The following MED13L variants were observed in gnomAD, a reference collection of about 807,000 sequenced individuals.
MED13L encodes mediator complex subunit 13L.
Under a neutral mutation model 220.9 loss-of-function variants are expected in MED13L, and 7 were observed. The observed-to-expected ratio is 0.03, with a 90% CI of 0.02 to 0.06. The LOEUF (loss-of-function observed/expected upper bound fraction) is 0.06. Ranked by LOEUF, MED13L falls within the 10% of genes least tolerant of loss-of-function variation. The pLI is 1.00. For missense variants in MED13L, 1,965 were observed against 2,760.5 expected (o/e 0.71, Z 6.46); for synonymous variants, 1,011 against 1,015.2 (o/e 1.00, Z 0.08).
chr12:116,243,057 C>A (rs182215868), intron 1 of MED13L, among the ~76,000 whole-genome samples: 87 of 152,238 alleles, frequency 5.7e-4, no homozygotes, highest in Non-Finnish European at 1.0e-3. Flanking sequence ...ACGTATCATC[C>A]CATGAATAGA....
intron 2 of MED13L, among the ~76,000 whole-genome samples, chr12:116,132,567 CT>C (rs139686022): frequency 4.4e-4 from 65 of 148,714 alleles, no homozygotes; most frequent in African/African-American, 1.3e-3. Context: ...TTTCTACTTG[CT>C]TTTTTTTTTC....
intron 4 of MED13L, among the ~76,000 whole-genome samples, chr12:116,042,813 T>C (rs1003444587): frequency 6.6e-6 from 1 of 151,896 alleles, no homozygotes; most frequent in African/African-American, 2.4e-5. Flanking sequence ...GCCTATGAGG[T>C]GGAATGAGAA....
chr12:116,017,070 TC>T (rs1879770065), intron 7 of MED13L, among the ~76,000 whole-genome samples: 2 of 152,200 alleles, frequency 1.3e-5, no homozygotes, highest in South Asian at 4.1e-4. Flanking sequence ...TTAGGCAAAT[TC>T]ATTTTACTAC....
chr12:115,961,359 C>A lies in MED13L; in HGVS notation c.6540G>T (p.Thr2180=), dbSNP rs371240974. The A allele has an allele frequency of 6.8e-6, 11 of 1,613,954 alleles. No individual in the cohort carries two copies. In the African/African-American group the frequency reaches 1.1e-4, roughly 16 times the overall value. The change falls in exon 31 of 31, where the codon ACG becomes ACT. Residue 2180 remains threonine (T), a synonymous_variant. Coordinates refer to ENST00000281928, the MANE Select transcript of MED13L (RefSeq NM_015335.5). ...LEQYNALSWL[T]CNPATQDRTS... ...TACGGTCCTGGGTGGCCGGATTGCA[C>A]GTGAGCCAGGACAGAGCGTTGTACT...
At chr12:116,031,680 GA>G (rs1193177666) in intron 4 of MED13L, among the ~76,000 whole-genome samples, 2 of 33,676 alleles carry the variant, frequency 5.9e-5, no homozygotes, top group East Asian at 7.1e-4. Flanking sequence ...AAAGAAAAAA[GA>G]AAAGAAAAGA....
At chr12:116,093,628 G>T (rs1872427541) in intron 4 of MED13L, among the ~76,000 whole-genome samples, 1 of 151,726 alleles carries the variant, frequency 6.6e-6, no homozygotes, top group Non-Finnish European at 1.5e-5. Context: ...TGCAGTATGA[G>T]AAATTAGTAA....
Position 115,991,605 on chromosome 12 carries a change from C to T in MED13L, c.3349G>A (p.Asp1117Asn). Residue 1117 changes from aspartate to asparagine, a missense_variant, in exon 17 of 31, where the codon GAT (aspartate) becomes AAT (asparagine). Physicochemically the swap from Asp to Asn is conservative, Grantham distance 23. Around this residue, in one of 10 missense-constraint regions of MED13L, gnomAD observed 233 missense variants for 306.2 expected, o/e 0.76. Coordinates refer to ENST00000281928, the MANE Select transcript of MED13L (RefSeq NM_015335.5). This position sits in a 1 kb window ranked among gnomAD's most constrained non-coding sequence, Gnocchi z 7.7. Reference protein sequence around the residue: ...HSLYVTLILSDSVMNIFKDRN... With the variant: ...HSLYVTLILSNSVMNIFKDRN... ...TCTTTAAAGATATTCATCACGGAAT[C>T]GGAGAGAATCAGGGTAACATAGAGG... is the stretch of plus-strand genomic sequence containing the variant. The T allele has an allele frequency of 6.2e-7, 1 of 1,614,078 alleles. No individual in the cohort carries two copies. Among genetic ancestry groups the T allele is most frequent in the Non-Finnish European group, 8.5e-7 (1 of 1,180,000 alleles).
At chr12:115,984,829 A>G (rs1265914004) in intron 19 of MED13L, among the ~76,000 whole-genome samples, 1 of 152,026 alleles carries the variant, frequency 6.6e-6, no homozygotes, top group Non-Finnish European at 1.5e-5. Context: ...GAGATCACCA[A>G]TAGCAGGGGC....
intron 2 of MED13L, among the ~76,000 whole-genome samples, chr12:116,119,541 G>A (rs1874815939): frequency 1.3e-5 from 2 of 151,884 alleles, no homozygotes; most frequent in Non-Finnish European, 2.9e-5. Context: ...TTATACATGA[G>A]AAAACTAACA....
chr12:115,997,311 G>A (rs1401118719), intron 14 of MED13L, 81 bp from the exon 15 acceptor site: 2 of 1,138,856 alleles, frequency 1.8e-6, no homozygotes, highest in African/African-American at 1.6e-5. Flanking sequence ...CGCACTCTTT[G>A]GCACCAAAAA....
chr12:116,230,994 T>C (rs1444168790), intron 2 of MED13L, among the ~76,000 whole-genome samples: 1 of 152,226 alleles, frequency 6.6e-6, no homozygotes, highest in East Asian at 1.9e-4. Context: ...TTTCATAGTG[T>C]GACATTGCCA....
At chr12:116,114,649 A>G (rs1187393352) in intron 2 of MED13L, among the ~76,000 whole-genome samples, 3 of 152,222 alleles carry the variant, frequency 2.0e-5, no homozygotes, top group Admixed American at 6.5e-5. Context: ...ACAATAGGGC[A>G]AGAAAGAAGA....
intron 4 of MED13L, among the ~76,000 whole-genome samples, chr12:116,032,804 A>T (rs747825249): frequency 2.1e-4 from 32 of 152,196 alleles, no homozygotes; most frequent in Non-Finnish European, 4.3e-4. Context: ...AACAATTTGC[A>T]AACTATAAGT....
At chr12:115,983,598 C>T in intron 20 of MED13L, 58 bp from the exon 21 acceptor site, 2 of 1,572,188 alleles carry the variant, frequency 1.3e-6, no homozygotes, top group Non-Finnish European at 1.7e-6. Context: ...TCGGACTGAA[C>T]CAGAATCTAG....
intron 2 of MED13L, chr12:116,232,076 A>G (rs7966250): frequency 0.015 from 14,817 of 985,148 alleles, 135 homozygotes; most frequent in Non-Finnish European, 0.017. Context: ...TCACTGTCAG[A>G]AAACAGATCC....
intron 2 of MED13L, among the ~76,000 whole-genome samples, chr12:116,132,091 C>T (rs1246867175): frequency 1.3e-5 from 2 of 151,900 alleles, no homozygotes; most frequent in Non-Finnish European, 2.9e-5. Flanking sequence ...TCAGCCTGGC[C>T]AACACTGTGA....
intron 3 of MED13L, among the ~76,000 whole-genome samples, chr12:116,102,054 G>T (rs771718243): frequency 2.6e-4 from 40 of 152,134 alleles, no homozygotes; most frequent in Non-Finnish European, 4.6e-4. Context: ...ATAGTACTAG[G>T]AAATTATTTC....
In MED13L at chr12:116,238,868, G is replaced by A. The variant is rs140246886; in HGVS notation, c.73-1163C>T. ...TCCCAGCACTTTGGGAGGCCTAGGCGGGCAGATCATGAGGTCAGGAGTTCG... is the reference window on the plus strand; with the variant it reads ...TCCCAGCACTTTGGGAGGCCTAGGCAGGCAGATCATGAGGTCAGGAGTTCG... On this transcript the variant is annotated intron_variant, in intron 1 of 30. Transcript: ENST00000281928. 6.6e-3 allele frequency among the ~76,000 whole-genome samples: 1,005 copies of A among 152,240 alleles called. 8 individuals carry two copies. Among genetic ancestry groups the A allele is most frequent in the African/African-American group, 0.023 (943 of 41,538 alleles).
intron 2 of MED13L, among the ~76,000 whole-genome samples, chr12:116,214,151 T>C (rs149826956): frequency 1.1e-3 from 162 of 152,304 alleles, no homozygotes; most frequent in African/African-American, 3.8e-3. Context: ...AACAAAAAAG[T>C]CACAGTAAAT....
Sources: allele counts gnomAD v4.1 joint callset (sites outside exome capture counted in the v4.1 genomes callset), GRCh38; gene constraint gnomAD v4.1.1; regional missense constraint gnomAD v4.1.1; non-coding constraint Gnocchi (gnomAD v3.1); transcripts MANE v1.5; gene names NCBI Gene and HGNC (gene_info 2026-07-23, HGNC 2026-07-21).